The following GALNTL6 variants were observed in gnomAD, a reference collection of about 807,000 sequenced individuals.
GALNTL6 encodes the protein polypeptide N-acetylgalactosaminyltransferase like 6.
A neutral mutation model predicts 73.7 loss-of-function variants in GALNTL6; 46 were observed. The ratio of observed to expected loss-of-function variants is 0.62; its 90% confidence interval spans 0.49 to 0.80. GALNTL6 has a LOEUF of 0.80. Among genes scored for constraint, GALNTL6 ranks in the 30% least tolerant of loss-of-function variants. The pLI is 0.00. For missense variants in GALNTL6, 604 were observed against 755.0 expected, an observed-to-expected ratio of 0.80 and a Z score of 2.34; for synonymous variants, 259 against 263.7, an observed-to-expected ratio of 0.98 and a Z score of 0.17.
intron 8 of GALNTL6, among the ~76,000 whole-genome samples, chr4:172,902,375 C>G (rs1329874697): frequency 6.6e-6 from 1 of 152,136 alleles, no homozygotes; most frequent in Non-Finnish European, 1.5e-5. Context: ...TAGGCACCCA[C>G]AAGAGACTGA....
chr4:172,928,389 G>A (rs568537728), intron 8 of GALNTL6, among the ~76,000 whole-genome samples: 25 of 152,164 alleles, frequency 1.6e-4, no homozygotes, highest in Non-Finnish European at 2.6e-4. Context: ...TGGGGAAACA[G>A]TAAAGTCTGT....
At chr4:172,110,757 T>A (rs1158725004) in intron 2 of GALNTL6, among the ~76,000 whole-genome samples, 3 of 152,168 alleles carry the variant, frequency 2.0e-5, no homozygotes, top group Non-Finnish European at 4.4e-5. Context: ...AGAAAGGATA[T>A]CTTAATGTTA....
chr4:172,902,025 G>T lies in GALNTL6; in HGVS notation c.1041+19118G>T, dbSNP rs531400077. ...GGTTGGGGGACAGAGACAGTATTAA[G>T]TCAATCCTTCAACCAGCTTTTATTG... On this transcript the variant is annotated intron_variant, in intron 8 of 12. Transcript: ENST00000506823. Among the ~76,000 whole-genome samples, 8 of 152,314 alleles carry T rather than the reference G, an allele frequency of 5.3e-5. No homozygotes were observed. The East Asian group carries it at 1.5e-3, about 29-fold the overall frequency.
chr4:172,259,152 TCTA>T (rs924189768), intron 3 of GALNTL6, among the ~76,000 whole-genome samples: 14 of 151,474 alleles, frequency 9.2e-5, no homozygotes, highest in African/African-American at 3.4e-4. Context: ...AAATGGTAGT[TCTA>T]CTTTTAGTAT....
intron 7 of GALNTL6, among the ~76,000 whole-genome samples, chr4:172,814,009 C>T (rs189265895): frequency 2.8e-3 from 425 of 152,186 alleles, no homozygotes; most frequent in Non-Finnish European, 3.8e-3. Flanking sequence ...AAGGCATGTT[C>T]CCTTCTTAGA....
chr4:172,040,610 A>G (rs989134631), intron 2 of GALNTL6, among the ~76,000 whole-genome samples: 3 of 152,114 alleles, frequency 2.0e-5, no homozygotes, highest in Admixed American at 2.0e-4. Flanking sequence ...ATGGTCTAAT[A>G]TGTTATTTGA....
Position 172,671,166 on chromosome 4 carries a change from G to T in GALNTL6, c.554-138195G>T, listed in dbSNP as rs144267348. 4.2e-3 allele frequency among the ~76,000 whole-genome samples: 639 copies of T among 152,210 alleles called. 4 individuals are homozygous for T. Among genetic ancestry groups the T allele is most frequent in the African/African-American group, 0.015 (612 of 41,524 alleles). Reference sequence around the variant, plus strand: ...TTGGTTCCATATGAATTTCAAAATAGTTTTTTCTAGTTCTGTGAAAAATGT... The same window carrying T: ...TTGGTTCCATATGAATTTCAAAATATTTTTTTCTAGTTCTGTGAAAAATGT... On this transcript the variant is annotated intron_variant, in intron 5 of 12. Transcript: ENST00000506823.
chr4:172,669,752 T>A (rs575108320), intron 5 of GALNTL6, among the ~76,000 whole-genome samples: 1 of 11,034 alleles, frequency 9.1e-5, no homozygotes, highest in East Asian at 0.028. Flanking sequence ...GATATACAGA[T>A]TATTTCATCA....
intron 5 of GALNTL6, among the ~76,000 whole-genome samples, chr4:172,689,112 T>C (rs567282833): frequency 6.6e-6 from 1 of 152,322 alleles, no homozygotes; most frequent in South Asian, 2.1e-4. Flanking sequence ...TGTTAGAAGT[T>C]ATATATCCCC....
chr4:172,764,519 A>G (rs1023255563), intron 5 of GALNTL6, among the ~76,000 whole-genome samples: 67 of 152,134 alleles, frequency 4.4e-4, no homozygotes, highest in African/African-American at 1.6e-3. Context: ...AGAATGATGA[A>G]ATAAATATGA....
chr4:172,077,255 C>T (rs1483282424), intron 2 of GALNTL6, among the ~76,000 whole-genome samples: 2 of 152,152 alleles, frequency 1.3e-5, no homozygotes, highest in African/African-American at 4.8e-5. Flanking sequence ...AACTGGTTAA[C>T]AGGCAGAGTT....
chr4:171,883,239 CTGCTCAG>C (rs1473219806), intron 2 of GALNTL6, among the ~76,000 whole-genome samples: 1 of 152,024 alleles, frequency 6.6e-6, no homozygotes, highest in Non-Finnish European at 1.5e-5. Flanking sequence ...GTAATCCCAG[CTGCTCAG>C]GAAGCTGAGG....
chr4:172,967,492 CTTTT>C (rs139645734), intron 10 of GALNTL6, among the ~76,000 whole-genome samples: 1 of 148,586 alleles, frequency 6.7e-6, no homozygotes, highest in African/African-American at 2.5e-5. Flanking sequence ...TTTGCCTATG[CTTTT>C]TTTTTTGTCA....
At chr4:172,365,816 CA>C (rs1272081314) in intron 5 of GALNTL6, among the ~76,000 whole-genome samples, 1 of 151,720 alleles carries the variant, frequency 6.6e-6, no homozygotes, top group East Asian at 1.9e-4. Context: ...TGACAAAAAT[CA>C]AAGACATTTT....
intron 8 of GALNTL6, among the ~76,000 whole-genome samples, chr4:172,889,292 T>C (rs949524852): frequency 6.6e-6 from 1 of 152,202 alleles, no homozygotes; most frequent in Non-Finnish European, 1.5e-5. Flanking sequence ...ACCAGTACTA[T>C]GTCAAATAGG....
intron 5 of GALNTL6, among the ~76,000 whole-genome samples, chr4:172,539,283 T>G (rs1425516895): frequency 6.6e-6 from 1 of 152,178 alleles, no homozygotes; most frequent in African/African-American, 2.4e-5. Flanking sequence ...TAGAAGACAT[T>G]GTGGTTGTCA....
At chr4:172,200,248 A>C (rs1209813444) in intron 2 of GALNTL6, among the ~76,000 whole-genome samples, 1 of 152,100 alleles carries the variant, frequency 6.6e-6, no homozygotes, top group East Asian at 1.9e-4. Context: ...TAACAAATTC[A>C]CCCTCAAACT....
At chr4:172,421,021 G>A (rs951968097) in intron 5 of GALNTL6, among the ~76,000 whole-genome samples, 1 of 151,960 alleles carries the variant, frequency 6.6e-6, no homozygotes, top group Admixed American at 6.6e-5. Context: ...GGGGCAAGGG[G>A]AGAGAGAGCA....
intron 2 of GALNTL6, among the ~76,000 whole-genome samples, chr4:171,967,817 T>A (rs1041321134): frequency 1.3e-5 from 2 of 152,194 alleles, no homozygotes; most frequent in African/African-American, 4.8e-5. Flanking sequence ...AACAAATATA[T>A]GATACTTGAT....
Sources: allele counts gnomAD v4.1 joint callset (sites outside exome capture counted in the v4.1 genomes callset), GRCh38; gene constraint gnomAD v4.1.1; transcripts MANE v1.5; gene names NCBI Gene and HGNC (gene_info 2026-07-23, HGNC 2026-07-21).